The following PPP1R37 variants were observed in gnomAD, a reference collection of about 807,000 sequenced individuals.
The protein encoded by PPP1R37 is leucine rich repeat containing 68.
In PPP1R37, 21 loss-of-function variants were observed where a neutral mutation model predicts 61.0. That is an observed-to-expected ratio of 0.34 (90% CI 0.24 to 0.50). PPP1R37 has a LOEUF of 0.50. Among genes scored for constraint, PPP1R37 ranks in the 20% least tolerant of loss-of-function variants. PPP1R37 has a pLI of 0.98. For synonymous variants in PPP1R37, 443 were observed against 433.5 expected, an observed-to-expected ratio of 1.02 and a Z score of -0.27; for missense variants, 910 against 952.7, an observed-to-expected ratio of 0.96 and a Z score of 0.59.
At position 45,143,144 on chromosome 19, in the gene PPP1R37, G is replaced by A. The variant is rs77829734; in HGVS notation, c.875-377G>A. On this transcript the variant is annotated intron_variant, in intron 7 of 12. Coordinates refer to ENST00000221462, the MANE Select transcript of PPP1R37 (RefSeq NM_019121.2). ...GAGACACAGGGCTCTGCCCTTGGGA[G>A]TTTGTACTCCAGTCTAGAGAGACAA... The A allele has an allele frequency of 1.1e-4, 21 of 190,962 alleles. No homozygotes were observed. In the East Asian group the frequency reaches 3.1e-3, roughly 28 times the overall value. 11.8% of individuals were successfully genotyped at this position (190,962 alleles called of 1,614,324 possible).
At chr19:45,128,933 A>G (rs1968442594) in intron 1 of PPP1R37, 9 of 735,122 alleles carry the variant, frequency 1.2e-5, no homozygotes, top group Middle Eastern at 2.9e-4. Context: ...CTTGGCAAGG[A>G]GATGAGCAAA....
At chr19:45,110,479 T>C (rs745324259) in intron 1 of PPP1R37, among the ~76,000 whole-genome samples, 42 of 152,312 alleles carry the variant, frequency 2.8e-4, no homozygotes, top group South Asian at 1.7e-3. Context: ...TTATGGGTCT[T>C]TTCTAACTAT....
intron 7 of PPP1R37, 102 bp downstream of exon 7, chr19:45,142,560 C>A (rs1460705918): frequency 1.6e-6 from 2 of 1,222,236 alleles, no homozygotes; most frequent in Non-Finnish European, 2.3e-6. Context: ...CCAAGACCAC[C>A]CCAACGCTGT....
At chr19:45,119,453 C>T (rs1381063928) in intron 1 of PPP1R37, among the ~76,000 whole-genome samples, 3 of 152,076 alleles carry the variant, frequency 2.0e-5, no homozygotes, top group East Asian at 1.9e-4. Context: ...GTGCCTGGCC[C>T]GTTTAACTGT....
At chr19:45,096,727 GTC>G (rs1001849420) in intron 1 of PPP1R37, among the ~76,000 whole-genome samples, 1 of 152,070 alleles carries the variant, frequency 6.6e-6, no homozygotes, top group Non-Finnish European at 1.5e-5. Context: ...GGCTGGGGGA[GTC>G]TCTCATTCCA....
At chr19:45,141,678 CGTAATGTCATCCTTCT>C (rs1568450440) in intron 5 of PPP1R37, among the ~76,000 whole-genome samples, 1 of 152,180 alleles carries the variant, frequency 6.6e-6, no homozygotes, top group African/African-American at 2.4e-5. Context: ...TTCTCCCTTC[CGTAATGTCATCCTTCT>C]GTAATGTCAT....
At chr19:45,132,593 G>C (rs1436502520) in intron 1 of PPP1R37, among the ~76,000 whole-genome samples, 1 of 151,780 alleles carries the variant, frequency 6.6e-6, no homozygotes, top group Non-Finnish European at 1.5e-5. Flanking sequence ...ACACTACCAC[G>C]CCTGGCTAAT....
intron 1 of PPP1R37, among the ~76,000 whole-genome samples, chr19:45,134,556 C>G (rs1968515671): frequency 6.6e-6 from 1 of 150,386 alleles, no homozygotes; most frequent in African/African-American, 2.4e-5. Context: ...TTGGTGTGCT[C>G]ATTCCTTTTT....
chr19:45,144,823 T>G (rs1406877826), intron 8 of PPP1R37, 31 bp from the exon 9 acceptor site: 3 of 1,501,778 alleles, frequency 2.0e-6, no homozygotes, highest in Non-Finnish European at 2.7e-6. Flanking sequence ...CATCACGGCC[T>G]CCTCCTCACC....
intron 1 of PPP1R37, among the ~76,000 whole-genome samples, chr19:45,112,444 C>T (rs115680883): frequency 0.013 from 2,001 of 152,300 alleles, 45 homozygotes; most frequent in African/African-American, 0.046. Context: ...AAGTGGCTCT[C>T]GCCACCTTTT....
At chr19:45,116,165 G>A (rs531083487) in intron 1 of PPP1R37, among the ~76,000 whole-genome samples, 9 of 152,280 alleles carry the variant, frequency 5.9e-5, no homozygotes, top group East Asian at 5.8e-4. Context: ...TGTTCCTTCC[G>A]TCCCAAGAGA....
intron 3 of PPP1R37, 78 bp from the exon 4 acceptor site, chr19:45,140,428 G>GT: frequency 7.8e-7 from 1 of 1,274,272 alleles, no homozygotes; most frequent in Non-Finnish European, 1.1e-6. Context: ...GGGGGTGGGA[G>GT]GTTGGGGGCA....
In PPP1R37 at chr19:45,143,621, G is replaced by A; in HGVS notation, c.975G>A (p.Leu325=). 2 of 1,532,732 alleles carry A rather than the reference G, an allele frequency of 1.3e-6. No homozygotes were observed. Among genetic ancestry groups the A allele is most frequent in the East Asian group, 4.9e-5 (2 of 40,904 alleles). 94.9% of individuals were successfully genotyped at this position (1,532,732 alleles called of 1,614,324 possible). A position where few individuals can be genotyped will look rare whatever the true frequency, so the allele number is the denominator to read the frequency against. ...NQLTHTGMAF[L]GMTLPHTQSL... ...TCACGCACACAGGCATGGCCTTCCT[G>A]GGCATGACACTGGTGAGTCAGGCTG... is the stretch of plus-strand genomic sequence containing the variant. The change falls in exon 8 of 13, where the codon CTG becomes CTA. Residue 325 remains leucine, a synonymous_variant. Transcript: ENST00000221462.
intron 1 of PPP1R37, among the ~76,000 whole-genome samples, chr19:45,135,457 C>A (rs1968527276): frequency 6.6e-6 from 1 of 152,264 alleles, no homozygotes; most frequent in Non-Finnish European, 1.5e-5. Context: ...GCCGGACTTT[C>A]TCCACAAACG....
intron 1 of PPP1R37, among the ~76,000 whole-genome samples, chr19:45,101,687 CAGCCT>C (rs1968064711): frequency 6.6e-6 from 1 of 152,002 alleles, no homozygotes; most frequent in Non-Finnish European, 1.5e-5. Context: ...CACTGCCCTC[CAGCCT>C]ATGTGACAGA....
intron 1 of PPP1R37, among the ~76,000 whole-genome samples, chr19:45,101,650 C>G (rs184278457): frequency 6.6e-6 from 1 of 152,118 alleles, no homozygotes; most frequent in East Asian, 1.9e-4. Flanking sequence ...TCCAGGAGGT[C>G]GAGGCTTTAG....
chr19:45,093,334 C>G lies in PPP1R37; in HGVS notation c.9C>G (p.Ile3Met). Residue 3 changes from isoleucine to methionine, a missense_variant, in exon 1 of 13, where the codon ATC (isoleucine) becomes ATG (methionine). Ile to Met is a conservative substitution (Grantham distance 10). Transcript: ENST00000221462. ...AGGAGGCGGCGGCGGCTATGGAGATCGCGCCGCAGGAGGCGCCGCCCGTGC... is the reference window on the plus strand; with the variant it reads ...AGGAGGCGGCGGCGGCTATGGAGATGGCGCCGCAGGAGGCGCCGCCCGTGC... MEIAPQEAPPVPG... is the reference protein window; with the variant it reads MEMAPQEAPPVPG... The G allele has an allele frequency of 6.8e-7, 1 of 1,474,788 alleles. No individual in the cohort carries two copies. The allele number at this position is 1,474,788 out of a possible 1,614,324, so 91.4% of individuals were successfully genotyped here.
intron 1 of PPP1R37, among the ~76,000 whole-genome samples, chr19:45,113,989 C>T (rs1029757456): frequency 2.0e-5 from 3 of 152,184 alleles, no homozygotes; most frequent in African/African-American, 7.2e-5. Context: ...TCCACTCTCC[C>T]GGGGGCTGCT....
chr19:45,142,224 C>A lies in PPP1R37; in HGVS notation c.718+13C>A, dbSNP rs1161421219. 1 of 1,532,858 alleles carries A rather than the reference C, an allele frequency of 6.5e-7. No individual in the cohort carries two copies. The highest frequency in any genetic ancestry group is 2.4e-5 in the East Asian group (1 of 40,844). 95.0% of individuals were successfully genotyped at this position (1,532,858 alleles called of 1,614,324 possible). On this transcript the variant is annotated intron_variant, in intron 6 of 12. Transcript: ENST00000221462. Reference sequence around the variant, plus strand: ...CTCATGCTGCTCGGTGAGCCCCAAGCCCGGGAGGGTGAGCAGGATGTGCAG... The same window carrying A: ...CTCATGCTGCTCGGTGAGCCCCAAGACCGGGAGGGTGAGCAGGATGTGCAG...
Sources: allele counts gnomAD v4.1 joint callset (sites outside exome capture counted in the v4.1 genomes callset), GRCh38; gene constraint gnomAD v4.1.1; transcripts MANE v1.5; gene names NCBI Gene and HGNC (gene_info 2026-07-23, HGNC 2026-07-21).